RIMS1: variants seen among roughly 807,000 people sequenced by gnomAD.
RIMS1 encodes the protein regulating synaptic membrane exocytosis 1, also known as regulating synaptic membrane exocytosis protein 1.
A neutral mutation model predicts 214.1 loss-of-function variants in RIMS1; 83 were observed. The ratio of observed to expected loss-of-function variants is 0.39; its 90% CI spans 0.32 to 0.47. The LOEUF is 0.47. Ranked by LOEUF, RIMS1 falls within the 20% of genes least tolerant of loss-of-function variation. The probability of loss-of-function intolerance (pLI) is 0.99; values close to 1 mark genes in which losing one functional copy is unlikely to be tolerated. For missense variants in RIMS1, 2,050 were observed against 2,161.8 expected (o/e 0.95, Z 1.03); for synonymous variants, 793 against 786.8 (o/e 1.01, Z -0.13).
At chr6:72,269,755 C>G (rs2082150963) in intron 22 of RIMS1, among the ~76,000 whole-genome samples, 1 of 152,162 alleles carries the variant, frequency 6.6e-6, no homozygotes, top group Non-Finnish European at 1.5e-5. Flanking sequence ...CAGTGACACT[C>G]CTGCTCCCAT....
At chr6:72,308,637 G>A (rs2095355014) in intron 27 of RIMS1, among the ~76,000 whole-genome samples, 1 of 152,094 alleles carries the variant, frequency 6.6e-6, no homozygotes, top group African/African-American at 2.4e-5. Flanking sequence ...CTACCATAGA[G>A]TCATGTGTGT....
intron 26 of RIMS1, among the ~76,000 whole-genome samples, chr6:72,298,191 T>C (rs1191832313): frequency 6.6e-6 from 1 of 151,898 alleles, no homozygotes; most frequent in Admixed American, 6.6e-5. Flanking sequence ...CATATGTTTT[T>C]AAAGTCACAT....
chr6:71,901,110 C>T (rs1025848945), intron 1 of RIMS1, among the ~76,000 whole-genome samples: 1 of 152,036 alleles, frequency 6.6e-6, no homozygotes, highest in African/African-American at 2.4e-5. Flanking sequence ...ACAAGGAAGA[C>T]TGGAATCACC....
At chr6:72,183,220 A>G (rs978327287) in intron 6 of RIMS1, 71 bp downstream of exon 6, 22 of 1,490,964 alleles carry the variant, frequency 1.5e-5, no homozygotes, top group Middle Eastern at 4.0e-4. Context: ...TGCAGGTGCT[A>G]GGCTAGTTGC....
chr6:71,930,741 C>G (rs1202818613), intron 1 of RIMS1, among the ~76,000 whole-genome samples: 1 of 152,042 alleles, frequency 6.6e-6, no homozygotes, highest in Non-Finnish European at 1.5e-5. Context: ...TCTCTATGCT[C>G]TGAAGCTTGC....
chr6:72,329,479 T>G (rs2096587340), intron 28 of RIMS1, among the ~76,000 whole-genome samples: 1 of 151,638 alleles, frequency 6.6e-6, no homozygotes, highest in Non-Finnish European at 1.5e-5. Flanking sequence ...TCAATGAAAC[T>G]ATGACTTACC....
intron 27 of RIMS1, among the ~76,000 whole-genome samples, chr6:72,310,639 A>C (rs2095464398): frequency 6.6e-6 from 1 of 152,028 alleles, no homozygotes; most frequent in Non-Finnish European, 1.5e-5. Flanking sequence ...CACATCAATG[A>C]CTTATTTGCC....
At chr6:71,926,651 C>A (rs181753482) in intron 1 of RIMS1, among the ~76,000 whole-genome samples, 7 of 151,940 alleles carry the variant, frequency 4.6e-5, no homozygotes, top group Non-Finnish European at 1.0e-4. Context: ...GGTTGATACC[C>A]GTCAATTAAG....
chr6:72,080,748 C>T (rs1171780463), intron 2 of RIMS1, among the ~76,000 whole-genome samples: 1 of 152,220 alleles, frequency 6.6e-6, no homozygotes, highest in Non-Finnish European at 1.5e-5. Flanking sequence ...GCTGCATCCT[C>T]TGCCAAGCCC....
chr6:71,970,615 G>A (rs575589784), intron 2 of RIMS1, among the ~76,000 whole-genome samples: 6 of 152,006 alleles, frequency 3.9e-5, no homozygotes, highest in Non-Finnish European at 7.4e-5. Flanking sequence ...GAAATCTGTC[G>A]TCACTTTAAT....
chr6:72,098,433 T>G (rs1258428566), intron 3 of RIMS1, among the ~76,000 whole-genome samples: 1 of 152,090 alleles, frequency 6.6e-6, no homozygotes, highest in Non-Finnish European at 1.5e-5. Flanking sequence ...TAGCTGAGAT[T>G]ACAGGTGGCT....
At chr6:71,924,964 C>T (rs1781179936) in intron 1 of RIMS1, among the ~76,000 whole-genome samples, 2 of 152,134 alleles carry the variant, frequency 1.3e-5, no homozygotes, top group South Asian at 2.1e-4. Context: ...CTGGGTTCCT[C>T]AGTGGTAGGG....
intron 29 of RIMS1, among the ~76,000 whole-genome samples, chr6:72,375,830 G>T (rs1384387099): frequency 6.6e-6 from 1 of 152,128 alleles, no homozygotes; most frequent in Non-Finnish European, 1.5e-5. Context: ...GAGCTTACTG[G>T]TGAAAATGTT....
chr6:72,224,949 C>A (rs2807536), intron 6 of RIMS1, among the ~76,000 whole-genome samples: 118,457 of 152,152 alleles, frequency 0.78, 46,641 homozygotes, highest in East Asian at 0.98. Context: ...GTTTTCTCAA[C>A]AACAATGCGA....
chr6:72,216,070 G>A (rs2055868212), intron 6 of RIMS1, among the ~76,000 whole-genome samples: 1 of 152,088 alleles, frequency 6.6e-6, no homozygotes, highest in Non-Finnish European at 1.5e-5. Context: ...TTAGAGAAGT[G>A]TATCATTATT....
At chr6:72,229,831 A>G (rs2061404896) in intron 6 of RIMS1, among the ~76,000 whole-genome samples, 1 of 151,868 alleles carries the variant, frequency 6.6e-6, no homozygotes, top group Non-Finnish European at 1.5e-5. Context: ...TATATTTTTA[A>G]TATCACAGTG....
chr6:71,993,321 G>C (rs535203921), intron 2 of RIMS1, among the ~76,000 whole-genome samples: 1 of 152,278 alleles, frequency 6.6e-6, no homozygotes, highest in African/African-American at 2.4e-5. Context: ...ATTTTCTTTT[G>C]TTTTGTTTTC....
intron 6 of RIMS1, chr6:72,213,119 T>C: frequency 2.3e-5 from 35 of 1,536,942 alleles, no homozygotes; most frequent in Non-Finnish European, 3.0e-5. Flanking sequence ...CCAAGTTTGC[T>C]GTCATGTGTG....
intron 6 of RIMS1, among the ~76,000 whole-genome samples, chr6:72,231,266 C>T (rs542643045): frequency 3.1e-4 from 47 of 151,498 alleles, no homozygotes; most frequent in Non-Finnish European, 5.6e-4. Flanking sequence ...TAGTTTACAA[C>T]TAAGTATTTA....
Sources: gnomAD v4.1 joint callset for allele counts (sites outside exome capture counted in the v4.1 genomes callset) on GRCh38, gnomAD v4.1.1 for gene constraint, MANE v1.5 for transcripts, NCBI Gene and HGNC (gene_info 2026-07-23, HGNC 2026-07-21) for gene names.